The following MUC5B variants were observed in gnomAD, a reference collection of about 807,000 sequenced individuals.
The protein encoded by MUC5B is mucin 5B, oligomeric mucus/gel-forming, also known as mucin-5B.
Under a neutral mutation model 376.9 loss-of-function variants are expected in MUC5B, and 116 were observed. The ratio of observed to expected loss-of-function variants is 0.31; its 90% confidence interval spans 0.26 to 0.36. MUC5B has a LOEUF of 0.36. Ranked by LOEUF, MUC5B falls within the 10% of genes least tolerant of loss-of-function variation. The pLI, the probability that MUC5B is intolerant of heterozygous loss-of-function variation, is 1.00. For synonymous variants in MUC5B, 3,517 were observed against 3,390.9 expected, an observed-to-expected ratio of 1.04 and a Z score of -1.29; for missense variants, 7,165 against 7,769.9, an observed-to-expected ratio of 0.92 and a Z score of 2.93.
In MUC5B at chr11:1,246,869, C is replaced by T. The variant is rs199748139; in HGVS notation, c.9989C>T (p.Pro3330Leu). 4,329 of 1,573,534 alleles carry T rather than the reference C, an allele frequency of 2.8e-3. 301 individuals are homozygous for T. The highest frequency in any genetic ancestry group is 3.5e-3 in the African/African-American group (257 of 73,950). ...TCCAGCCCAGGGACGGCACTCACGCCTCCAGTGTGGATCAGCACAACCACC... is the reference window on the plus strand; with the variant it reads ...TCCAGCCCAGGGACGGCACTCACGCTTCCAGTGTGGATCAGCACAACCACC... ...PSSSPGTALT[P>L]PVWISTTTTP... Residue 3330 changes from proline (P) to leucine (L), a missense_variant, in exon 31 of 49, where the codon CCT (proline) becomes CTT (leucine). Around this residue, in one of 31 missense-constraint regions of MUC5B, gnomAD observed 939 missense variants for 770.6 expected, o/e 1.22. Coordinates refer to ENST00000529681, the MANE Select transcript of MUC5B (RefSeq NM_002458.3).
chr11:1,241,385 C>G lies in MUC5B; in HGVS notation c.4505C>G (p.Thr1502Ser), dbSNP rs761075999. Reference sequence around the variant, plus strand: ...ACCCCCTCGGCCCCAGGTACCACCACCTGCCAGCCCCGGTGTCAGTGGACA... The same window carrying G: ...ACCCCCTCGGCCCCAGGTACCACCAGCTGCCAGCCCCGGTGTCAGTGGACA... ...TVTPSAPGTT[T>S]CQPRCQWTEW... Residue 1502 changes from threonine to serine, a missense_variant, in exon 31 of 49, where the codon ACC becomes AGC. Thr to Ser is a moderately conservative substitution (Grantham distance 58). This residue lies in a region of MUC5B where 517 missense variants were observed against 545.3 expected (regional missense o/e 0.95). Transcript: ENST00000529681. 1.9e-6 allele frequency: 3 copies of G among 1,613,558 alleles called. No individual in the cohort carries two copies. Among genetic ancestry groups the G allele is most frequent in the Non-Finnish European group, 2.5e-6 (3 of 1,179,686 alleles).
At chr11:1,233,731 C>A in intron 18 of MUC5B, 62 bp from the exon 19 acceptor site, 1 of 1,529,424 alleles carries the variant, frequency 6.5e-7, no homozygotes. Context: ...GCTCGGAAGC[C>A]CGGGGGTGGG....
Position 1,249,899 on chromosome 11 carries a change from A to T in MUC5B, c.13019A>T (p.Gln4340Leu), listed in dbSNP as rs951013595. 6.2e-7 allele frequency: 1 copy of T among 1,608,540 alleles called. No individual in the cohort carries two copies. The highest frequency in any genetic ancestry group is 8.5e-7 in the Non-Finnish European group (1 of 1,178,122). Reference sequence around the variant, plus strand: ...GGGACCACCGGGACCCTCCCAGAACAGACCACCACACCCGTGGCCACCATG... The same window carrying T: ...GGGACCACCGGGACCCTCCCAGAACTGACCACCACACCCGTGGCCACCATG... The part of the protein sequence containing the change: ...TLGTTGTLPE[Q>L]TTTPVATMST... The change falls in exon 31 of 49, where the codon CAG becomes CTG. Residue 4340 changes from glutamine (Q) to leucine (L), a missense_variant. Physicochemically the swap from Gln to Leu is moderately radical, Grantham distance 113 (BLOSUM62 -2). Transcript: ENST00000529681.
intron 3 of MUC5B, 74 bp downstream of exon 3, chr11:1,226,350 G>A: frequency 6.6e-7 from 1 of 1,510,848 alleles, no homozygotes; most frequent in African/African-American, 1.4e-5. Flanking sequence ...CAGATCTAGG[G>A]GTGCAGCTGC....
rs778900137 is a variant in MUC5B, at chr11:1,248,598, C to T, written c.11718C>T (p.Pro3906=). 1.2e-6 allele frequency: 2 copies of T among 1,613,038 alleles called. No individual in the cohort carries two copies. The highest frequency in any genetic ancestry group is 1.1e-5 in the South Asian group (1 of 91,050). The change falls in exon 31 of 49, where the codon CCC becomes CCT. Residue 3906 remains proline, a synonymous_variant. Transcript: ENST00000529681. ...CAACCAGTGGCTCCACGGTGACCCCCTCCTCCGTCCCGGGGACCACCCACA... is the reference window on the plus strand; with the variant it reads ...CAACCAGTGGCTCCACGGTGACCCCTTCCTCCGTCCCGGGGACCACCCACA... ...TPTTSGSTVT[P]SSVPGTTHTP...
At position 1,242,496 on chromosome 11, in the gene MUC5B, C is replaced by T. The variant is rs990818318; in HGVS notation, c.5616C>T (p.Tyr1872=). The change falls in exon 31 of 49, where the codon TAC becomes TAT. Residue 1872 remains tyrosine, a synonymous_variant. Coordinates refer to ENST00000529681, the MANE Select transcript of MUC5B (RefSeq NM_002458.3). ...GCAGGTTCAACATGTGCTTCAACTA[C>T]AACGTGCGTGTGCTTTGCTGTGACG... is the stretch of plus-strand genomic sequence containing the variant. ...QTGRFNMCFN[Y]NVRVLCCDDY... 1 of 1,613,786 alleles carries T rather than the reference C, an allele frequency of 6.2e-7. No homozygotes were observed. Among genetic ancestry groups the T allele is most frequent in the Admixed American group, 1.7e-5 (1 of 60,002 alleles).
Position 1,251,757 on chromosome 11 carries a change from GA to G in MUC5B, c.14863+15del. 6.5e-7 allele frequency: 1 copy of G among 1,532,570 alleles called. No homozygotes were observed. The highest frequency in any genetic ancestry group is 8.9e-7 in the Non-Finnish European group (1 of 1,117,580). 94.9% of individuals were successfully genotyped at this position (1,532,570 alleles called of 1,614,324 possible). A position where few individuals can be genotyped will look rare whatever the true frequency, so the allele number is the denominator to read the frequency against. On this transcript the variant is annotated intron_variant, in intron 31 of 48. Transcript: ENST00000529681. Reference sequence around the variant, plus strand: ...TTTTCTCGCCCGGTGAGTGCATGTGGATAACACTGCTGTACCCTTTCCCCAC... The same window carrying G: ...TTTTCTCGCCCGGTGAGTGCATGTGGTAACACTGCTGTACCCTTTCCCCAC...
At position 1,248,389 on chromosome 11, in the gene MUC5B, C is replaced by G. The variant is rs1450830228; in HGVS notation, c.11509C>G (p.Leu3837Val). 1 of 1,612,838 alleles carries G rather than the reference C, an allele frequency of 6.2e-7. No homozygotes were observed. The highest frequency in any genetic ancestry group is 1.7e-5 in the Admixed American group (1 of 59,914). The change falls in exon 31 of 49, where the codon CTT becomes GTT. Residue 3837 changes from leucine (L) to valine (V), a missense_variant. Physicochemically the swap from Leu to Val is conservative, Grantham distance 32. Transcript: ENST00000529681. The stretch of plus-strand genomic sequence containing the variant: ...AGAGACTGCCCACACCTCCACAGTG[C>G]TTACCACCACGGCCACCACAACCAG... ...TPETAHTSTVLTTTATTTRAT... is the reference protein window; with the variant it reads ...TPETAHTSTVVTTTATTTRAT...
In MUC5B at chr11:1,250,889, G is replaced by C. The variant is rs371096770; in HGVS notation, c.14009G>C (p.Ser4670Thr). Residue 4670 changes from serine (S) to threonine (T), a missense_variant, in exon 31 of 49, where the codon AGC becomes ACC. Physicochemically the swap from Ser to Thr is moderately conservative, Grantham distance 58. Transcript: ENST00000529681. Reference protein sequence around the residue: ...ATGSMATPSSSTQTSGTPPSL... With the variant: ...ATGSMATPSSTTQTSGTPPSL... ...GGTTCTATGGCAACACCCTCCTCTA[G>C]CACACAGACCAGTGGTACTCCCCCA... The C allele has an allele frequency of 2.8e-5, 44 of 1,587,692 alleles. No homozygotes were observed. In the African/African-American group the frequency reaches 4.4e-4, roughly 16 times the overall value.
Position 1,242,261 on chromosome 11 carries a change from T to A in MUC5B, c.5381T>A (p.Phe1794Tyr). 6.2e-7 allele frequency: 1 copy of A among 1,613,848 alleles called. No homozygotes were observed. The highest frequency in any genetic ancestry group is 8.5e-7 in the Non-Finnish European group (1 of 1,179,866). Residue 1794 changes from phenylalanine to tyrosine, a missense_variant, in exon 31 of 49, where the codon TTT (phenylalanine) becomes TAT (tyrosine). This residue lies in a region of MUC5B where 897 missense variants were observed against 779.6 expected (regional missense o/e 1.15). Coordinates refer to ENST00000529681, the MANE Select transcript of MUC5B (RefSeq NM_002458.3). ...CQPKCEWTEW[F>Y]DVDFPTSGVA... The stretch of plus-strand genomic sequence containing the variant: ...CCGAAGTGTGAGTGGACAGAGTGGT[T>A]TGACGTGGACTTCCCAACCTCAGGG...
chr11:1,232,293 G>A, intron 15 of MUC5B, 133 bp downstream of exon 15: 1 of 1,351,218 alleles, frequency 7.4e-7, no homozygotes, highest in Non-Finnish European at 1.0e-6. Context: ...ATCAGGAGGA[G>A]GTGCTTGGGG....
At position 1,239,639 on chromosome 11, in the gene MUC5B, C is replaced by T; in HGVS notation, c.3583+73C>T. 3.3e-6 allele frequency: 5 copies of T among 1,514,964 alleles called. No homozygotes were observed. The South Asian group carries it at 5.2e-5, about 16-fold the overall frequency. 93.8% of individuals were successfully genotyped at this position (1,514,964 alleles called of 1,614,324 possible). ...GAGTGTACGTGGGGGGGCGGGGATC[C>T]CCAGGGACGCGGTGTAGGCTCCCGT... On this transcript the variant is annotated intron_variant, in intron 27 of 48. Coordinates refer to ENST00000529681, the MANE Select transcript of MUC5B (RefSeq NM_002458.3).
At position 1,247,141 on chromosome 11, in the gene MUC5B, A is replaced by G; in HGVS notation, c.10261A>G (p.Thr3421Ala). The G allele has an allele frequency of 6.5e-7, 1 of 1,533,498 alleles. No homozygotes were observed. The highest frequency in any genetic ancestry group is 1.4e-5 in the African/African-American group (1 of 72,422). 95.0% of individuals were successfully genotyped at this position (1,533,498 alleles called of 1,614,324 possible). The change falls in exon 31 of 49, where the codon ACC (threonine) becomes GCC (alanine). Residue 3421 changes from threonine (T) to alanine (A), a missense_variant. Thr to Ala is a moderately conservative substitution (Grantham distance 58, BLOSUM62 0). Transcript: ENST00000529681. ...AACTCCCATCCCCCCAGTGCTGACC[A>G]CCACCGCCACCACACCTGCAGCCAC... ...GTTPIPPVLT[T>A]TATTPAATSS...
intron 1 of MUC5B, among the ~76,000 whole-genome samples, chr11:1,225,296 G>A (rs938542516): frequency 1.3e-5 from 2 of 152,246 alleles, no homozygotes; most frequent in Non-Finnish European, 2.9e-5. Context: ...CCCCCTTGGG[G>A]CGGCCAACGC....
Position 1,258,139 on chromosome 11 carries a change from C to T in MUC5B, c.16491C>T (p.Cys5497=), listed in dbSNP as rs1474600292. The T allele has an allele frequency of 8.1e-6, 13 of 1,599,576 alleles. No homozygotes were observed. Among genetic ancestry groups the T allele is most frequent in the East Asian group, 2.3e-5 (1 of 44,436 alleles). The change falls in exon 42 of 49, where the codon TGC becomes TGT. Residue 5497 remains cysteine (C), a synonymous_variant. Transcript: ENST00000529681. The surrounding 1 kb of genome is among the most constrained non-coding windows in gnomAD (Gnocchi z 5.5). ...CCTGCCCCCAGAGCCTGCCTGTGTGCCCGCCAGGGCAGGAGTCCATCTGCA... is the reference window on the plus strand; with the variant it reads ...CCTGCCCCCAGAGCCTGCCTGTGTGTCCGCCAGGGCAGGAGTCCATCTGCA... ...TTTCPQSLPV[C]PPGQESICTQ... is the part of the protein sequence containing the mutation.
rs772054869 is a variant in MUC5B, at chr11:1,242,730, C to G, written c.5850C>G (p.Ser1950Arg). The G allele has an allele frequency of 4.3e-6, 7 of 1,613,206 alleles. No individual in the cohort carries two copies. In the African/African-American group the frequency reaches 8.0e-5, roughly 18 times the overall value. Reference protein sequence around the residue: ...TTTATTPTVTSSKATPSSSPG... With the variant: ...TTTATTPTVTRSKATPSSSPG... ...CGGCCACCACACCCACAGTCACCAG[C>G]TCCAAAGCCACTCCCTCCTCCAGTC... is the stretch of plus-strand genomic sequence containing the variant. The change falls in exon 31 of 49, where the codon AGC (serine) becomes AGG (arginine). Residue 1950 changes from serine to arginine, a missense_variant. Transcript: ENST00000529681.
At position 1,257,555 on chromosome 11, in the gene MUC5B, G is replaced by A; in HGVS notation, c.16295G>A (p.Cys5432Tyr). Residue 5432 changes from cysteine to tyrosine, a missense_variant, in exon 41 of 49, where the codon TGC becomes TAC. Physicochemically the swap from Cys to Tyr is radical, Grantham distance 194 (BLOSUM62 -2). Transcript: ENST00000529681. The surrounding 1 kb of genome is among the most constrained non-coding windows in gnomAD (Gnocchi z 8.9). ...KFPGERWVSN[C>Y]QSCVCDEGSV... is the part of the protein sequence containing the mutation. ...CCCGGGGAGCGGTGGGTCAGCAACT[G>A]CCAGTCCTGCGTGTGTGACGAGGGT... is the stretch of plus-strand genomic sequence containing the variant. The A allele has an allele frequency of 6.2e-7, 1 of 1,608,412 alleles. No individual in the cohort carries two copies.
chr11:1,230,932 G>A lies in MUC5B; in HGVS notation c.1471-4G>A, dbSNP rs540736519. 20 of 1,586,312 alleles carry A rather than the reference G, an allele frequency of 1.3e-5. No individual in the cohort carries two copies. The Admixed American group carries it at 2.1e-4, about 17-fold the overall frequency. ...GCTGACCTCCCGCCCGCCTCCTTCCGCAGGCCATCCGGGTCCAAGCGGACG... is the reference window on the plus strand; with the variant it reads ...GCTGACCTCCCGCCCGCCTCCTTCCACAGGCCATCCGGGTCCAAGCGGACG... On this transcript the variant is annotated splice_polypyrimidine_tract_variant and splice_region_variant and intron_variant, in intron 12 of 48. Transcript: ENST00000529681.
In MUC5B at chr11:1,236,535, G is replaced by A. The variant is rs768507011; in HGVS notation, c.3030G>A (p.Val1010=). ...MAVSWDRKTS[V]FIRLHQDYKG... is the part of the protein sequence containing the mutation. ...TGTCCTGGGACCGGAAGACCAGCGT[G>A]TTCATCCGACTGCACCAGGACTACA... Residue 1010 remains valine, a synonymous_variant, in exon 24 of 49, where the codon GTG becomes GTA. Coordinates refer to ENST00000529681, the MANE Select transcript of MUC5B (RefSeq NM_002458.3). 5.6e-6 allele frequency: 9 copies of A among 1,612,828 alleles called. No individual in the cohort carries two copies. In the Admixed American group the frequency reaches 1.5e-4, roughly 27 times the overall value.
Sources: gnomAD v4.1 joint callset for allele counts (sites outside exome capture counted in the v4.1 genomes callset) on GRCh38, gnomAD v4.1.1 for gene constraint, gnomAD v4.1.1 regional missense constraint, Gnocchi (gnomAD v3.1) non-coding constraint, MANE v1.5 for transcripts, NCBI Gene and HGNC (gene_info 2026-07-23, HGNC 2026-07-21) for gene names.